Variants in ANO5 observed in about 807,000 individuals in gnomAD.
ANO5 encodes the protein anoctamin-5.
Under a neutral mutation model 121.0 loss-of-function variants are expected in ANO5, and 109 were observed. The ratio of observed to expected loss-of-function variants is 0.90; its 90% CI spans 0.77 to 1.06. ANO5 has a LOEUF of 1.06. ANO5 is among the 50% of genes least tolerant of loss of function. The pLI, the probability that ANO5 is intolerant of heterozygous loss-of-function variation, is 0.00. For synonymous variants in ANO5, 406 were observed against 359.9 expected (o/e 1.13, Z -1.45); for missense variants, 1,064 against 1,078.5 (o/e 0.99, Z 0.19).
intron 3 of ANO5, among the ~76,000 whole-genome samples, chr11:22,216,473 A>G (rs548165430): frequency 2.6e-5 from 4 of 151,966 alleles, no homozygotes; most frequent in South Asian, 2.1e-4. Flanking sequence ...TTTCATGGGC[A>G]TATTGGACTT....
At chr11:22,264,196 T>C (rs112650800) in intron 17 of ANO5, among the ~76,000 whole-genome samples, 11,433 of 151,974 alleles carry the variant, frequency 0.075, 578 homozygotes, top group Non-Finnish European at 0.1. Flanking sequence ...GCTAAGTTTC[T>C]GTATTTTTAG....
intron 9 of ANO5, among the ~76,000 whole-genome samples, chr11:22,244,042 T>C (rs1024184747): frequency 4.6e-5 from 7 of 152,120 alleles, no homozygotes; most frequent in African/African-American, 1.7e-4. Context: ...ATAGCAGGTG[T>C]TGTTCTTTCA....
In ANO5 at chr11:22,214,642, T is replaced by C. The variant is rs144311534; in HGVS notation, c.138+3328T>C. ...CATTATCAAGAGGCTCAATGATCTT[T>C]GGTGAGGGGACACAATCTTCCTGAA... is the stretch of plus-strand genomic sequence containing the variant. On this transcript the variant is annotated intron_variant, in intron 3 of 21. Transcript: ENST00000324559. Among the ~76,000 whole-genome samples, 1,213 of 152,076 alleles carry C rather than the reference T, an allele frequency of 8.0e-3. 11 individuals are homozygous for C. The highest frequency in any genetic ancestry group is 0.017 in the Middle Eastern group (5 of 294).
intron 2 of ANO5, among the ~76,000 whole-genome samples, chr11:22,208,632 G>A (rs1299207257): frequency 6.6e-6 from 1 of 151,890 alleles, no homozygotes; most frequent in African/African-American, 2.4e-5. Flanking sequence ...TTGTACACAC[G>A]TGACAAAATG....
rs994486454 is a variant in ANO5 at position 22,283,178 on chromosome 11, A to G, written c.*3413A>G. 11 of 152,304 alleles carry G rather than the reference A, an allele frequency of 7.2e-5. No individual in the cohort carries two copies. The highest frequency in any genetic ancestry group is 2.6e-4 in the African/African-American group (11 of 41,578). The allele number at this position is 152,304 out of a possible 1,614,324, so 9.4% of individuals were successfully genotyped here. On this transcript the variant is annotated 3_prime_UTR_variant, in exon 22 of 22. Coordinates refer to ENST00000324559, the MANE Select transcript of ANO5 (RefSeq NM_213599.3). ...GTGTATCTCTCCTATGTGTGACATT[A>G]TGTCTCCTGGTGTTAACACAGGAAA...
At position 22,279,838 on chromosome 11, in the gene ANO5, G is replaced by T; in HGVS notation, c.*73G>T. On this transcript the variant is annotated 3_prime_UTR_variant, in exon 22 of 22. Transcript: ENST00000324559. ...CCTCTGGTTTTAGGGCCAGACGCCA[G>T]AAGCCATGTGTCAATTTTACCCTTT... 1.6e-6 allele frequency: 2 copies of T among 1,213,564 alleles called. No individual in the cohort carries two copies. The highest frequency in any genetic ancestry group is 2.4e-6 in the Non-Finnish European group (2 of 848,330). The allele number at this position is 1,213,564 out of a possible 1,614,324, so 75.2% of individuals were successfully genotyped here. A position where few individuals can be genotyped will look rare whatever the true frequency, so the allele number is the denominator to read the frequency against.
At chr11:22,276,514 A>G (rs959015022) in intron 21 of ANO5, among the ~76,000 whole-genome samples, 2 of 151,794 alleles carry the variant, frequency 1.3e-5, no homozygotes, top group African/African-American at 4.8e-5. Flanking sequence ...CTAGTTCCAG[A>G]GGCTGTATTA....
chr11:22,195,352 A>T (rs1017256484), intron 1 of ANO5, among the ~76,000 whole-genome samples: 1 of 152,210 alleles, frequency 6.6e-6, no homozygotes, highest in Non-Finnish European at 1.5e-5. Context: ...TATGATTTAC[A>T]AATATTTCCT....
At chr11:22,220,559 T>C (rs1852607504) in intron 4 of ANO5, among the ~76,000 whole-genome samples, 1 of 152,054 alleles carries the variant, frequency 6.6e-6, no homozygotes, top group African/African-American at 2.4e-5. Context: ...TAACTTGTGA[T>C]GCCAGCTAAT....
At chr11:22,254,258 AT>A (rs1156600630) in intron 12 of ANO5, among the ~76,000 whole-genome samples, 1 of 152,192 alleles carries the variant, frequency 6.6e-6, no homozygotes, top group Admixed American at 6.5e-5. Flanking sequence ...AAATGTATGG[AT>A]ATCATCCATA....
At chr11:22,192,607 A>T (rs1411098679), upstream of ANO5, among the ~76,000 whole-genome samples, 1 of 152,226 alleles carries the variant, frequency 6.6e-6, no homozygotes, top group Non-Finnish European at 1.5e-5. Context: ...GTAACTCCCA[A>T]CTGGGAGAGG....
At chr11:22,252,154 G>A (rs189296268) in intron 12 of ANO5, among the ~76,000 whole-genome samples, 7 of 149,542 alleles carry the variant, frequency 4.7e-5, no homozygotes, top group Non-Finnish European at 1.5e-5. Flanking sequence ...ATTTCTGCTT[G>A]GCTGCTGTGG....
Position 22,263,302 on chromosome 11 carries a change from A to G in ANO5, c.1898+259A>G, listed in dbSNP as rs115214237. Among the ~76,000 whole-genome samples the G allele has an allele frequency of 7.1e-3, 1,075 of 152,268 alleles. 11 individuals carry two copies. The highest frequency in any genetic ancestry group is 0.024 in the African/African-American group (1,015 of 41,566). On this transcript the variant is annotated intron_variant, in intron 17 of 21. Coordinates refer to ENST00000324559, the MANE Select transcript of ANO5 (RefSeq NM_213599.3). ...TGACAAATAATAATTATCTATATTT[A>G]TGAGGTACAATATAATGTTTTGAAC...
At chr11:22,261,813 T>A (rs757375354) in intron 15 of ANO5, among the ~76,000 whole-genome samples, 3 of 152,094 alleles carry the variant, frequency 2.0e-5, no homozygotes, top group Non-Finnish European at 2.9e-5. Context: ...GAGATTTTGG[T>A]TGGGACAGAG....
chr11:22,204,053 T>C, intron 2 of ANO5, among the ~76,000 whole-genome samples: 1 of 152,092 alleles, frequency 6.6e-6, no homozygotes, highest in East Asian at 1.9e-4. Flanking sequence ...AGGGAACAAA[T>C]AGATCTTTGA....
At chr11:22,235,776 C>G (rs998169764) in intron 7 of ANO5, among the ~76,000 whole-genome samples, 5 of 152,136 alleles carry the variant, frequency 3.3e-5, no homozygotes, top group Non-Finnish European at 7.4e-5. Context: ...GTATTCAAGA[C>G]AGCTTGGATA....
rs138895089 is a variant in ANO5 at position 22,242,149 on chromosome 11, G to A, written c.878+2465G>A. Among the ~76,000 whole-genome samples, 64 of 152,116 alleles carry A rather than the reference G, an allele frequency of 4.2e-4. No homozygotes were observed. The East Asian group carries it at 6.2e-3, about 15-fold the overall frequency. On this transcript the variant is annotated intron_variant, in intron 9 of 21. Transcript: ENST00000324559. ...GCACCATTTATTGAATACGGAATCC[G>A]TTCCCCATTGCTTGTTTTCATCAGC...
intron 16 of ANO5, among the ~76,000 whole-genome samples, chr11:22,262,676 C>A (rs1051575996): frequency 6.6e-6 from 1 of 152,116 alleles, no homozygotes; most frequent in Non-Finnish European, 1.5e-5. Context: ...ATAACAACTC[C>A]CAACCCTAAC....
intron 5 of ANO5, among the ~76,000 whole-genome samples, chr11:22,225,715 G>A (rs954784479): frequency 2.0e-5 from 3 of 152,040 alleles, no homozygotes; most frequent in Non-Finnish European, 2.9e-5. Context: ...TATAATTTAT[G>A]TTATTCAGTA....
Sources: allele counts gnomAD v4.1 joint callset (sites outside exome capture counted in the v4.1 genomes callset), GRCh38; gene constraint gnomAD v4.1.1; transcripts MANE v1.5; gene names NCBI Gene and HGNC (gene_info 2026-07-23, HGNC 2026-07-21).